Variants in CHRM3 observed in about 807,000 individuals in gnomAD.
CHRM3 encodes the protein muscarinic acetylcholine receptor M3.
Under a neutral mutation model 41.8 loss-of-function variants are expected in CHRM3, and 11 were observed. That is an observed-to-expected ratio of 0.26 (90% CI 0.17 to 0.44). CHRM3 has a LOEUF of 0.44. CHRM3 is among the 20% of genes least tolerant of loss of function. The pLI, the probability that CHRM3 is intolerant of heterozygous loss-of-function variation, is 1.00. For synonymous variants in CHRM3, 297 were observed against 301.4 expected (o/e 0.99, Z 0.15); for missense variants, 571 against 745.4 (o/e 0.77, Z 2.72).
At chr1:239,569,479 A>C (rs1661641763) in intron 3 of CHRM3, among the ~76,000 whole-genome samples, 1 of 152,212 alleles carries the variant, frequency 6.6e-6, no homozygotes, top group Admixed American at 6.5e-5. Flanking sequence ...TACTGCGATA[A>C]CACAAATTAG....
chr1:239,452,470 C>T (rs143033725), intron 1 of CHRM3, among the ~76,000 whole-genome samples: 8 of 152,226 alleles, frequency 5.3e-5, no homozygotes, highest in African/African-American at 1.7e-4. Context: ...AAAATCTCTC[C>T]CTGAATAACC....
intron 5 of CHRM3, among the ~76,000 whole-genome samples, chr1:239,772,755 A>G (rs936889060): frequency 6.6e-6 from 1 of 152,080 alleles, no homozygotes; most frequent in African/African-American, 2.4e-5. Flanking sequence ...GTTTCTCTGA[A>G]TAGCTTTTGC....
At chr1:239,636,522 G>T (rs1050099066) in intron 4 of CHRM3, among the ~76,000 whole-genome samples, 2 of 152,134 alleles carry the variant, frequency 1.3e-5, no homozygotes, top group Non-Finnish European at 2.9e-5. Context: ...ATATAGCCTC[G>T]TGGTTACATT....
At chr1:239,747,864 T>A (rs1406805214) in intron 5 of CHRM3, among the ~76,000 whole-genome samples, 3 of 152,048 alleles carry the variant, frequency 2.0e-5, no homozygotes, top group African/African-American at 7.2e-5. Context: ...AAACCCCATC[T>A]CTACTAAAAA....
chr1:239,752,782 T>C (rs891446755), intron 5 of CHRM3, among the ~76,000 whole-genome samples: 1 of 152,214 alleles, frequency 6.6e-6, no homozygotes, highest in African/African-American at 2.4e-5. Flanking sequence ...GAAATTACTC[T>C]GAAATGTGAT....
chr1:239,635,345 A>G (rs1475107050), intron 4 of CHRM3, among the ~76,000 whole-genome samples: 1 of 152,214 alleles, frequency 6.6e-6, no homozygotes, highest in African/African-American at 2.4e-5. Flanking sequence ...ATGCATTAAC[A>G]TGACTTATAA....
chr1:239,835,587 G>T (rs753442515), intron 6 of CHRM3, among the ~76,000 whole-genome samples: 1 of 152,118 alleles, frequency 6.6e-6, no homozygotes, highest in African/African-American at 2.4e-5. Flanking sequence ...GACCGTCAAA[G>T]CCTTTAGAGT....
At chr1:239,877,796 T>G (rs1432311960) in intron 6 of CHRM3, among the ~76,000 whole-genome samples, 1 of 152,126 alleles carries the variant, frequency 6.6e-6, no homozygotes. Context: ...GGACCAGTTT[T>G]GTGGACGACA....
chr1:239,820,111 C>T (rs1671918250), intron 5 of CHRM3, among the ~76,000 whole-genome samples: 1 of 152,198 alleles, frequency 6.6e-6, no homozygotes, highest in Admixed American at 6.5e-5. Context: ...CCCCTTTACC[C>T]TCAGAAGGTT....
intron 5 of CHRM3, among the ~76,000 whole-genome samples, chr1:239,691,940 T>A (rs1659758066): frequency 6.6e-6 from 1 of 152,152 alleles, no homozygotes; most frequent in Non-Finnish European, 1.5e-5. Flanking sequence ...AGTGTTTTGA[T>A]AAGGATCCTG....
At chr1:239,464,223 T>C (rs1665562928) in intron 1 of CHRM3, among the ~76,000 whole-genome samples, 1 of 147,742 alleles carries the variant, frequency 6.8e-6, no homozygotes, top group South Asian at 2.1e-4. Context: ...GCAGTTGCAG[T>C]GAACCAAGAT....
chr1:239,750,592 G>T (rs1249984305), intron 5 of CHRM3, among the ~76,000 whole-genome samples: 1 of 152,176 alleles, frequency 6.6e-6, no homozygotes, highest in Non-Finnish European at 1.5e-5. Context: ...CTAACAGGAT[G>T]TGTAAACAGA....
intron 2 of CHRM3, among the ~76,000 whole-genome samples, chr1:239,540,294 C>T (rs1014762897): frequency 6.6e-6 from 1 of 152,066 alleles, no homozygotes; most frequent in African/African-American, 2.4e-5. Flanking sequence ...GTGTAGATTG[C>T]TTATGCTAAT....
At chr1:239,807,374 A>C (rs1315656640) in intron 5 of CHRM3, among the ~76,000 whole-genome samples, 1 of 152,192 alleles carries the variant, frequency 6.6e-6, no homozygotes, top group Non-Finnish European at 1.5e-5. Context: ...CCTTGTTTAA[A>C]ATTGACCTAC....
At chr1:239,720,907 G>GT (rs1289800057) in intron 5 of CHRM3, among the ~76,000 whole-genome samples, 1 of 151,868 alleles carries the variant, frequency 6.6e-6, no homozygotes, top group Non-Finnish European at 1.5e-5. Flanking sequence ...GAAATATTTT[G>GT]TTGAGAGGCA....
intron 5 of CHRM3, among the ~76,000 whole-genome samples, chr1:239,758,256 A>G (rs1252231073): frequency 6.6e-6 from 1 of 152,164 alleles, no homozygotes; most frequent in Non-Finnish European, 1.5e-5. Flanking sequence ...TACATCTAGT[A>G]TTTTAAATAC....
intron 1 of CHRM3, among the ~76,000 whole-genome samples, chr1:239,476,908 A>G (rs1666506282): frequency 6.6e-6 from 1 of 152,204 alleles, no homozygotes; most frequent in Non-Finnish European, 1.5e-5. Flanking sequence ...AAGTCAGGAA[A>G]CACAGGGAAA....
chr1:239,395,902 G>T (rs1659437194), intron 1 of CHRM3, among the ~76,000 whole-genome samples: 1 of 152,050 alleles, frequency 6.6e-6, no homozygotes, highest in Admixed American at 6.6e-5. Flanking sequence ...ACCTTCCATT[G>T]CCTGTTGAAT....
At chr1:239,787,980 G>A (rs1188741347) in intron 5 of CHRM3, among the ~76,000 whole-genome samples, 1 of 152,188 alleles carries the variant, frequency 6.6e-6, no homozygotes, top group Non-Finnish European at 1.5e-5. Flanking sequence ...GCTCACACCT[G>A]TAGTCTCAGC....
Sources: gnomAD v4.1 joint callset for allele counts (sites outside exome capture counted in the v4.1 genomes callset) on GRCh38, gnomAD v4.1.1 for gene constraint, MANE v1.5 for transcripts, NCBI Gene and HGNC (gene_info 2026-07-23, HGNC 2026-07-21) for gene names.